Variants in DSCAML1 observed in about 807,000 individuals in gnomAD.
DSCAML1 encodes the protein DS cell adhesion molecule like 1.
Under a neutral mutation model 200.5 loss-of-function variants are expected in DSCAML1, and 38 were observed. That is an observed-to-expected ratio of 0.19 (90% CI 0.15 to 0.25). DSCAML1 has a LOEUF of 0.25. Among genes scored for constraint, DSCAML1 ranks in the 10% least tolerant of loss-of-function variants. The pLI is 1.00. For synonymous variants in DSCAML1, 1,215 were observed against 1,165.0 expected (o/e 1.04, Z -0.87); for missense variants, 2,223 against 2,858.8 (o/e 0.78, Z 5.07).
In DSCAML1 at chr11:117,592,150, C is replaced by T. The variant is rs1056854077; in HGVS notation, c.512-59628G>A. Among the ~76,000 whole-genome samples the T allele has an allele frequency of 5.3e-5, 8 of 152,168 alleles. No homozygotes were observed. In the South Asian group the frequency reaches 8.3e-4, roughly 16 times the overall value. ...CCCTAGGACACTTGTCAATGGGGCC[C>T]GCAGTAGTCAGAGTCTGGATTCTCC... On this transcript the variant is annotated intron_variant, in intron 3 of 32. Transcript: ENST00000651296.
intron 32 of DSCAML1, among the ~76,000 whole-genome samples, 164 bp downstream of exon 32, chr11:117,430,558 C>A (rs1040916268): frequency 5.3e-5 from 8 of 152,248 alleles, no homozygotes; most frequent in Non-Finnish European, 8.8e-5. Flanking sequence ...GGGCCCTGAT[C>A]TGCCTGCTCC....
intron 3 of DSCAML1, among the ~76,000 whole-genome samples, chr11:117,693,337 A>G (rs11216506): frequency 0.16 from 24,091 of 152,084 alleles, 2,897 homozygotes; most frequent in African/African-American, 0.34. Flanking sequence ...CATCATTCCA[A>G]TCTGAAAGGT....
At chr11:117,654,089 C>T (rs752625744) in intron 3 of DSCAML1, among the ~76,000 whole-genome samples, 4 of 152,162 alleles carry the variant, frequency 2.6e-5, no homozygotes, top group African/African-American at 7.2e-5. Context: ...AGAAGTCAGA[C>T]GTGGAAGACC....
At chr11:117,649,132 A>G (rs2052579043) in intron 3 of DSCAML1, among the ~76,000 whole-genome samples, 1 of 148,648 alleles carries the variant, frequency 6.7e-6, no homozygotes, top group Admixed American at 6.7e-5. Flanking sequence ...GCTTGAGTGC[A>G]ATGGCATGAT....
chr11:117,694,359 T>C (rs897159671), intron 3 of DSCAML1, among the ~76,000 whole-genome samples: 8 of 149,282 alleles, frequency 5.4e-5, no homozygotes, highest in Non-Finnish European at 8.9e-5. Flanking sequence ...TGAGCTGAGA[T>C]AGCACCACTC....
intron 3 of DSCAML1, among the ~76,000 whole-genome samples, chr11:117,660,802 C>T (rs1252716488): frequency 2.0e-5 from 3 of 152,148 alleles, no homozygotes; most frequent in African/African-American, 4.8e-5. Flanking sequence ...AATGGGTGTC[C>T]TCTAGCTTAG....
chr11:117,452,580 TTTAG>T lies in DSCAML1; in HGVS notation c.3569-1896_3569-1893del, dbSNP rs1293413131. ...CAGTCTTTATCTTTTAATTGGAGGATTTAGTTAATTTATCTTTAATGCAATTATT... is the reference window on the plus strand; with the variant it reads ...CAGTCTTTATCTTTTAATTGGAGGATTTAATTTATCTTTAATGCAATTATT... On this transcript the variant is annotated intron_variant, in intron 19 of 32. Transcript: ENST00000651296. Among the ~76,000 whole-genome samples, 5 of 152,226 alleles carry T rather than the reference TTTAG, an allele frequency of 3.3e-5. No individual in the cohort carries two copies. In the East Asian group the frequency reaches 5.8e-4, roughly 18 times the overall value.
rs2048901798 is a variant in DSCAML1 at position 117,480,888 on chromosome 11, G to A, written c.2656+286C>T. 6.6e-6 allele frequency among the ~76,000 whole-genome samples: 1 copy of A among 152,180 alleles called. No homozygotes were observed. Among genetic ancestry groups the A allele is most frequent in the South Asian group, 2.1e-4 (1 of 4,834 alleles). ...CTTTCCCTTCCCACACCTGCTGCAG[G>A]GGCCTGGACCCAGGAACCTGACTCC... On this transcript the variant is annotated intron_variant, in intron 13 of 32. Transcript: ENST00000651296. The surrounding 1 kb of genome is among the most constrained non-coding windows in gnomAD (Gnocchi z 4.1).
chr11:117,440,527 A>G (rs1476959975), intron 21 of DSCAML1, among the ~76,000 whole-genome samples: 1 of 152,206 alleles, frequency 6.6e-6, no homozygotes. Flanking sequence ...CTTGAGTCCA[A>G]GGGGACGGGC....
At position 117,642,799 on chromosome 11, in the gene DSCAML1, C is replaced by T. The variant is rs770684367; in HGVS notation, c.512-110277G>A. Among the ~76,000 whole-genome samples the T allele has an allele frequency of 1.1e-4, 17 of 152,188 alleles. No individual in the cohort carries two copies. Among genetic ancestry groups the T allele is most frequent in the Non-Finnish European group, 2.2e-4 (15 of 68,042 alleles). On this transcript the variant is annotated intron_variant, in intron 3 of 32. Transcript: ENST00000651296. The surrounding 1 kb of genome is among the most constrained non-coding windows in gnomAD (Gnocchi z 4.1). Reference sequence around the variant, plus strand: ...CTCTTGGATTCCTTCATCCCCTTTCCACCTCCAACCCTTTGTCCAGAGCAC... The same window carrying T: ...CTCTTGGATTCCTTCATCCCCTTTCTACCTCCAACCCTTTGTCCAGAGCAC...
intron 3 of DSCAML1, among the ~76,000 whole-genome samples, chr11:117,555,901 G>A (rs1260562154): frequency 2.0e-5 from 3 of 151,482 alleles, no homozygotes; most frequent in Non-Finnish European, 2.9e-5. Context: ...GAGTGAGGTT[G>A]GCAGCAGGAA....
intron 3 of DSCAML1, among the ~76,000 whole-genome samples, chr11:117,761,138 A>T (rs894669457): frequency 6.6e-6 from 1 of 152,196 alleles, no homozygotes; most frequent in African/African-American, 2.4e-5. Flanking sequence ...AGGAGTACTC[A>T]CATCTGAACA....
At chr11:117,751,245 G>T (rs1164143352) in intron 3 of DSCAML1, among the ~76,000 whole-genome samples, 1 of 151,898 alleles carries the variant, frequency 6.6e-6, no homozygotes, top group Non-Finnish European at 1.5e-5. Context: ...ACTTCTTAAA[G>T]GGCAGGATCA....
intron 3 of DSCAML1, among the ~76,000 whole-genome samples, chr11:117,561,891 C>T (rs2050669920): frequency 6.6e-6 from 1 of 152,262 alleles, no homozygotes; most frequent in Non-Finnish European, 1.5e-5. Flanking sequence ...GTTTCCTCAG[C>T]ACCTTCCACA....
At chr11:117,485,516 G>A (rs776322715) in intron 11 of DSCAML1, among the ~76,000 whole-genome samples, 4 of 152,182 alleles carry the variant, frequency 2.6e-5, no homozygotes, top group Non-Finnish European at 4.4e-5. Flanking sequence ...CTGTGGCTGC[G>A]AGCTATGTGG....
intron 3 of DSCAML1, among the ~76,000 whole-genome samples, chr11:117,559,719 A>G (rs554966725): frequency 6.6e-6 from 1 of 152,282 alleles, no homozygotes; most frequent in East Asian, 1.9e-4. Flanking sequence ...GGCGCTCTTC[A>G]GACCACAGGT....
At chr11:117,741,026 T>G (rs576651658) in intron 3 of DSCAML1, among the ~76,000 whole-genome samples, 1 of 152,382 alleles carries the variant, frequency 6.6e-6, no homozygotes, top group Non-Finnish European at 1.5e-5. Context: ...GGACATTACC[T>G]GGCAACTACC....
intron 3 of DSCAML1, among the ~76,000 whole-genome samples, chr11:117,687,614 A>C (rs898314476): frequency 6.6e-6 from 1 of 151,906 alleles, no homozygotes; most frequent in Non-Finnish European, 1.5e-5. Flanking sequence ...TGTTTCAATA[A>C]TTATTTTTTG....
At chr11:117,532,143 GAA>G (rs1399103272) in intron 4 of DSCAML1, among the ~76,000 whole-genome samples, 1 of 137,290 alleles carries the variant, frequency 7.3e-6, no homozygotes, top group Non-Finnish European at 1.6e-5. Flanking sequence ...AAAAAAAAAG[GAA>G]AAAAAAGGGA....
Sources: allele counts gnomAD v4.1 joint callset (sites outside exome capture counted in the v4.1 genomes callset), GRCh38; gene constraint gnomAD v4.1.1; non-coding constraint Gnocchi (gnomAD v3.1); transcripts MANE v1.5; gene names NCBI Gene and HGNC (gene_info 2026-07-23, HGNC 2026-07-21).